Variants in PTPRT observed in about 807,000 individuals in gnomAD.
PTPRT encodes receptor-type tyrosine-protein phosphatase T.
In PTPRT, 56 loss-of-function variants were observed where a neutral mutation model predicts 176.8. The observed-to-expected ratio is 0.32, with a 90% CI of 0.26 to 0.40. PTPRT has a LOEUF of 0.40. PTPRT is among the 10% of genes least tolerant of loss of function. The pLI, the probability that PTPRT is intolerant of heterozygous loss-of-function variation, is 1.00. For synonymous variants in PTPRT, 783 were observed against 739.0 expected, an observed-to-expected ratio of 1.06 and a Z score of -0.96; for missense variants, 1,540 against 1,908.2, an observed-to-expected ratio of 0.81 and a Z score of 3.60.
At chr20:42,161,576 C>A (rs1337444226) in intron 16 of PTPRT, 34 bp from the exon 17 acceptor site, 1 of 1,550,994 alleles carries the variant, frequency 6.4e-7, no homozygotes, top group Non-Finnish European at 8.7e-7. Context: ...AGATCATCAC[C>A]TATAGAAGCT....
At chr20:42,734,672 C>T (rs558223354) in intron 6 of PTPRT, among the ~76,000 whole-genome samples, 112 of 152,292 alleles carry the variant, frequency 7.4e-4, no homozygotes, top group Non-Finnish European at 1.4e-3. Flanking sequence ...CAAACAACCC[C>T]GAATCTTGAT....
rs117630589 is a variant in PTPRT, at chr20:42,325,174, G to A, written c.1866-9178C>T. Reference sequence around the variant, plus strand: ...GCCAGGGAAGGATTCTGGGAAGGAAGGAACCTACAGGGCAGTGCAAAGACT... The same window carrying A: ...GCCAGGGAAGGATTCTGGGAAGGAAAGAACCTACAGGGCAGTGCAAAGACT... On this transcript the variant is annotated intron_variant, in intron 11 of 30. Transcript: ENST00000373187. Among the ~76,000 whole-genome samples, 46 of 152,204 alleles carry A rather than the reference G, an allele frequency of 3.0e-4. No homozygotes were observed. The East Asian group carries it at 6.8e-3, about 22-fold the overall frequency.
intron 6 of PTPRT, among the ~76,000 whole-genome samples, chr20:42,703,657 C>T (rs534920957): frequency 2.1e-4 from 32 of 152,292 alleles, no homozygotes; most frequent in Middle Eastern, 3.4e-3. Flanking sequence ...AGCCTCACTC[C>T]TTCCATTTAC....
At chr20:42,383,543 T>G (rs2058716122) in intron 9 of PTPRT, among the ~76,000 whole-genome samples, 1 of 151,568 alleles carries the variant, frequency 6.6e-6, no homozygotes, top group African/African-American at 2.4e-5. Flanking sequence ...ATTCAGAGAG[T>G]AGAGAGAGAA....
intron 1 of PTPRT, among the ~76,000 whole-genome samples, chr20:43,039,830 C>G (rs2146210678): frequency 6.6e-6 from 1 of 152,222 alleles, no homozygotes; most frequent in South Asian, 2.1e-4. Context: ...CACCTGAGCT[C>G]AAGAGTTCTA....
At chr20:42,600,447 TTTA>T (rs907361891) in intron 7 of PTPRT, among the ~76,000 whole-genome samples, 14 of 152,102 alleles carry the variant, frequency 9.2e-5, no homozygotes, top group Non-Finnish European at 1.3e-4. Flanking sequence ...GCTGGGATTT[TTTA>T]TTATTATTAT....
intron 1 of PTPRT, among the ~76,000 whole-genome samples, chr20:42,921,429 T>C (rs1323627207): frequency 6.6e-6 from 1 of 151,798 alleles, no homozygotes; most frequent in African/African-American, 2.4e-5. Context: ...ACAAAAAATG[T>C]TAAAAGTTAG....
chr20:42,484,762 A>G (rs537751070), intron 7 of PTPRT, among the ~76,000 whole-genome samples: 91 of 152,298 alleles, frequency 6.0e-4, no homozygotes, highest in African/African-American at 2.1e-3. Flanking sequence ...AAGTGTCATG[A>G]TTTATCTCCA....
At chr20:43,013,696 A>G (rs1985240094) in intron 1 of PTPRT, among the ~76,000 whole-genome samples, 1 of 152,142 alleles carries the variant, frequency 6.6e-6, no homozygotes. Flanking sequence ...GCTGTTACTG[A>G]CTTGTTCACT....
At chr20:43,156,649 T>C (rs8184476) in intron 1 of PTPRT, among the ~76,000 whole-genome samples, 3 of 152,114 alleles carry the variant, frequency 2.0e-5, no homozygotes, top group East Asian at 1.9e-4. Context: ...GAGTGAATGG[T>C]TGGATCAAAC....
intron 1 of PTPRT, among the ~76,000 whole-genome samples, chr20:43,176,576 C>G (rs146117972): frequency 6.6e-6 from 1 of 152,280 alleles, no homozygotes; most frequent in African/African-American, 2.4e-5. Context: ...ATCCACCATC[C>G]TAGTTCCATT....
intron 7 of PTPRT, among the ~76,000 whole-genome samples, chr20:42,603,478 T>C (rs898159765): frequency 6.6e-6 from 1 of 152,140 alleles, no homozygotes; most frequent in African/African-American, 2.4e-5. Context: ...GGCTGGAGCA[T>C]AGTGCATGGC....
intron 2 of PTPRT, among the ~76,000 whole-genome samples, chr20:42,863,137 T>C (rs1010488437): frequency 1.1e-4 from 17 of 152,210 alleles, no homozygotes; most frequent in African/African-American, 3.9e-4. Flanking sequence ...CCTAGATTCA[T>C]GTGATAGGAA....
At chr20:42,637,032 C>T (rs1013536748) in intron 7 of PTPRT, among the ~76,000 whole-genome samples, 1 of 152,074 alleles carries the variant, frequency 6.6e-6, no homozygotes. Flanking sequence ...AGAGAGCACA[C>T]AGCCATAGTC....
intron 7 of PTPRT, among the ~76,000 whole-genome samples, chr20:42,578,200 T>C (rs1247395905): frequency 6.6e-6 from 1 of 152,102 alleles, no homozygotes; most frequent in Non-Finnish European, 1.5e-5. Flanking sequence ...GAGATTAGGA[T>C]TGATCCCTGG....
intron 1 of PTPRT, among the ~76,000 whole-genome samples, chr20:43,138,081 C>A (rs546722885): frequency 6.6e-6 from 1 of 152,306 alleles, no homozygotes; most frequent in African/African-American, 2.4e-5. Context: ...TGAGGATTCA[C>A]TGAAGTGATG....
chr20:42,658,072 T>A lies in PTPRT; in HGVS notation c.1153+19794A>T, dbSNP rs577804699. On this transcript the variant is annotated intron_variant, in intron 7 of 30. Coordinates refer to ENST00000373187, the MANE Select transcript of PTPRT (RefSeq NM_007050.6). The stretch of plus-strand genomic sequence containing the variant: ...CTGACTTGTACATATATCTAACTGA[T>A]TCTTCTTATTGGAAGTAATGTTCTC... Among the ~76,000 whole-genome samples the A allele has an allele frequency of 2.0e-5, 3 of 152,320 alleles. No individual in the cohort carries two copies. The East Asian group carries it at 5.8e-4, about 29-fold the overall frequency.
At chr20:43,133,024 A>T (rs534098220) in intron 1 of PTPRT, among the ~76,000 whole-genome samples, 1 of 144,512 alleles carries the variant, frequency 6.9e-6, no homozygotes, top group African/African-American at 2.6e-5. Context: ...TAAAAAATAA[A>T]CTGGGCAGAA....
chr20:42,823,239 G>T (rs151180803), intron 2 of PTPRT, among the ~76,000 whole-genome samples: 122 of 152,282 alleles, frequency 8.0e-4, no homozygotes, highest in East Asian at 9.6e-4. Context: ...GCTTTGCAGG[G>T]ACATGGATGA....
Sources: gnomAD v4.1 joint callset for allele counts (sites outside exome capture counted in the v4.1 genomes callset) on GRCh38, gnomAD v4.1.1 for gene constraint, MANE v1.5 for transcripts, NCBI Gene and HGNC (gene_info 2026-07-23, HGNC 2026-07-21) for gene names.